Variants in ERBB4 observed in about 807,000 individuals in gnomAD.
The protein encoded by ERBB4 is receptor tyrosine-protein kinase erbB-4.
In ERBB4, 42 loss-of-function variants were observed where a neutral mutation model predicts 158.0. The observed-to-expected ratio is 0.27, with a 90% confidence interval of 0.21 to 0.34. The LOEUF (loss-of-function observed/expected upper bound fraction) is 0.34. Among genes scored for constraint, ERBB4 ranks in the 10% least tolerant of loss-of-function variants. The pLI is 1.00. For synonymous variants in ERBB4, 583 were observed against 558.7 expected (o/e 1.04, Z -0.61); for missense variants, 1,333 against 1,624.1 (o/e 0.82, Z 3.08).
chr2:211,763,803 G>A (rs554303025), intron 4 of ERBB4, among the ~76,000 whole-genome samples: 2 of 151,698 alleles, frequency 1.3e-5, no homozygotes, highest in African/African-American at 4.8e-5. Context: ...GTCTTCTGAG[G>A]TCTAACAGCC....
At chr2:212,179,920 C>T (rs912293467) in intron 1 of ERBB4, among the ~76,000 whole-genome samples, 36 of 151,504 alleles carry the variant, frequency 2.4e-4, no homozygotes, top group Admixed American at 2.0e-3. Context: ...GCTAATGGCA[C>T]ATGTGTGAGG....
intron 1 of ERBB4, among the ~76,000 whole-genome samples, chr2:212,190,470 G>A (rs1438231008): frequency 6.6e-6 from 1 of 151,894 alleles, no homozygotes; most frequent in Non-Finnish European, 1.5e-5. Flanking sequence ...CCGGGAGGTG[G>A]GGCTTGCAGT....
chr2:212,416,446 T>C (rs1233115972), intron 1 of ERBB4, among the ~76,000 whole-genome samples: 1 of 152,120 alleles, frequency 6.6e-6, no homozygotes, highest in African/African-American at 2.4e-5. Context: ...GGGTCAGACA[T>C]GTTTGTTCAT....
At chr2:212,046,787 C>T (rs1034477915) in intron 2 of ERBB4, among the ~76,000 whole-genome samples, 4 of 152,098 alleles carry the variant, frequency 2.6e-5, no homozygotes, top group Admixed American at 6.5e-5. Flanking sequence ...AGTAATGCAA[C>T]GTTTGCTGTT....
Position 211,694,561 on chromosome 2 carries a change from C to CTTT in ERBB4, c.1489+7403_1489+7405dup, listed in dbSNP as rs58556416. 4.1e-3 allele frequency among the ~76,000 whole-genome samples: 605 copies of CTTT among 148,432 alleles called. 5 individuals are homozygous for CTTT. The highest frequency in any genetic ancestry group is 3.6e-3 in the Non-Finnish European group (245 of 67,194). ...ACAATAACAAAATCTTACTTGAATG[C>CTTT]TTTTTTTTTTTTACAAAGAACAGTG... On this transcript the variant is annotated intron_variant, in intron 12 of 27. Transcript: ENST00000342788.
At chr2:211,400,915 C>A (rs902056996) in intron 25 of ERBB4, among the ~76,000 whole-genome samples, 1 of 151,836 alleles carries the variant, frequency 6.6e-6, no homozygotes, top group African/African-American at 2.4e-5. Flanking sequence ...CTACTATGTA[C>A]CCACAAAAAT....
intron 1 of ERBB4, among the ~76,000 whole-genome samples, chr2:212,168,059 A>T (rs2081402449): frequency 5.3e-5 from 3 of 56,336 alleles, no homozygotes. Flanking sequence ...CAGGAACTGA[A>T]ATTAAAATTA....
intron 9 of ERBB4, among the ~76,000 whole-genome samples, chr2:211,706,361 CCTTA>C (rs2073438510): frequency 6.6e-6 from 1 of 152,112 alleles, no homozygotes; most frequent in Non-Finnish European, 1.5e-5. Flanking sequence ...CTATATGCAG[CCTTA>C]ATAGGGCTAT....
In ERBB4 at chr2:212,398,479, G is replaced by A. The variant is rs541006597; in HGVS notation, c.82+139970C>T. On this transcript the variant is annotated intron_variant, in intron 1 of 27. Transcript: ENST00000342788. ...ATCAATAGTTCATCCTAACAAACAC[G>A]CTCATCCAAAATGCCAACATGATCA... 1.7e-4 allele frequency among the ~76,000 whole-genome samples: 26 copies of A among 152,010 alleles called. No individual in the cohort carries two copies. In the South Asian group the frequency reaches 2.7e-3, roughly 16 times the overall value.
At chr2:211,721,829 T>C (rs2074104788) in intron 7 of ERBB4, among the ~76,000 whole-genome samples, 1 of 152,014 alleles carries the variant, frequency 6.6e-6, no homozygotes, top group South Asian at 2.1e-4. Context: ...TAGGCAAAAA[T>C]ACTGTGGTAT....
At chr2:211,871,921 CAG>C (rs1375626995) in intron 3 of ERBB4, among the ~76,000 whole-genome samples, 5 of 152,014 alleles carry the variant, frequency 3.3e-5, no homozygotes, top group Admixed American at 1.3e-4. Context: ...AGGAGGAAGA[CAG>C]GGGAAACATC....
At chr2:212,452,697 T>C (rs1431648122) in intron 1 of ERBB4, among the ~76,000 whole-genome samples, 2 of 152,120 alleles carry the variant, frequency 1.3e-5, no homozygotes, top group Non-Finnish European at 2.9e-5. Flanking sequence ...AAACTGCATC[T>C]TACAATTTGC....
intron 1 of ERBB4, among the ~76,000 whole-genome samples, chr2:212,139,684 G>A (rs991100493): frequency 1.3e-5 from 2 of 151,802 alleles, no homozygotes; most frequent in Non-Finnish European, 2.9e-5. Flanking sequence ...TTTTGTAGCT[G>A]ATAAGCTTCA....
intron 2 of ERBB4, among the ~76,000 whole-genome samples, chr2:212,073,156 A>G (rs1046142657): frequency 6.6e-6 from 1 of 152,112 alleles, no homozygotes; most frequent in Admixed American, 6.6e-5. Flanking sequence ...TCAGTATTAG[A>G]AAAGCTAGAA....
chr2:211,734,909 CAAAAAAAAA>C (rs570006497), intron 5 of ERBB4, among the ~76,000 whole-genome samples: 2 of 69,286 alleles, frequency 2.9e-5, no homozygotes, highest in South Asian at 6.2e-4. Flanking sequence ...GAGACTCTGT[CAAAAAAAAA>C]AAAAAAAAAA....
At chr2:211,629,712 G>A (rs1348871794) in intron 17 of ERBB4, among the ~76,000 whole-genome samples, 1 of 152,002 alleles carries the variant, frequency 6.6e-6, no homozygotes, top group East Asian at 1.9e-4. Context: ...TAGACCAATG[G>A]AACAGAACAG....
At chr2:212,361,195 G>T (rs2089673572) in intron 1 of ERBB4, among the ~76,000 whole-genome samples, 1 of 151,538 alleles carries the variant, frequency 6.6e-6, no homozygotes, top group Non-Finnish European at 1.5e-5. Flanking sequence ...ATTTCCATTT[G>T]GTTCATACAA....
intron 2 of ERBB4, among the ~76,000 whole-genome samples, chr2:212,074,016 G>A (rs572942934): frequency 8.5e-5 from 13 of 152,100 alleles, no homozygotes; most frequent in Admixed American, 2.6e-4. Context: ...AGGATTACAC[G>A]CAAATGCTGA....
intron 1 of ERBB4, among the ~76,000 whole-genome samples, chr2:212,149,731 C>G (rs2080809538): frequency 6.6e-6 from 1 of 152,092 alleles, no homozygotes. Context: ...TTCATTCATT[C>G]TTTCTTTTTC....
Sources: allele counts gnomAD v4.1 joint callset (sites outside exome capture counted in the v4.1 genomes callset), GRCh38; gene constraint gnomAD v4.1.1; transcripts MANE v1.5; gene names NCBI Gene and HGNC (gene_info 2026-07-23, HGNC 2026-07-21).